The following SYT1 variants were observed in gnomAD, a reference collection of about 807,000 sequenced individuals.
SYT1 encodes synaptotagmin-1.
In SYT1, 8 loss-of-function variants were observed where a neutral mutation model predicts 44.8. The ratio of observed to expected loss-of-function variants is 0.18; its 90% CI spans 0.10 to 0.32. The LOEUF (loss-of-function observed/expected upper bound fraction) is 0.32. Ranked by LOEUF, SYT1 falls within the 10% of genes least tolerant of loss-of-function variation. The pLI is 1.00. For synonymous variants in SYT1, 154 were observed against 188.8 expected (o/e 0.82, Z 1.51); for missense variants, 286 against 509.3 (o/e 0.56, Z 4.22).
intron 3 of SYT1, among the ~76,000 whole-genome samples, chr12:79,076,672 G>A (rs1876675525): frequency 6.6e-6 from 1 of 152,138 alleles, no homozygotes; most frequent in African/African-American, 2.4e-5. Flanking sequence ...AGGGTGCGGT[G>A]GCTCACACCT....
rs147956401 is a variant in SYT1, at chr12:79,017,125, T to A, written c.-83-30172T>A. Reference sequence around the variant, plus strand: ...CCAAAGGTGGCTTTAAAAAACAACCTCAAGTCAGCTACCTGAGAACTGGGA... The same window carrying A: ...CCAAAGGTGGCTTTAAAAAACAACCACAAGTCAGCTACCTGAGAACTGGGA... On this transcript the variant is annotated intron_variant, in intron 2 of 10. Transcript: ENST00000261205. 4.5e-3 allele frequency among the ~76,000 whole-genome samples: 687 copies of A among 152,220 alleles called. 5 individuals carry two copies. The highest frequency in any genetic ancestry group is 0.015 in the African/African-American group (638 of 41,546).
chr12:79,317,982 A>G (rs1326476296), intron 8 of SYT1, among the ~76,000 whole-genome samples: 1 of 152,166 alleles, frequency 6.6e-6, no homozygotes, highest in Non-Finnish European at 1.5e-5. Context: ...TTACTGATAT[A>G]AGATACTGAG....
intron 4 of SYT1, among the ~76,000 whole-genome samples, chr12:79,234,712 C>CTTTTTTTTTTTTTTT (rs869074290): frequency 3.5e-5 from 1 of 28,792 alleles, no homozygotes; most frequent in African/African-American, 1.1e-4. Context: ...TTCTTTCTTT[C>CTTTTTTTTTTTTTTT]TTTTTTTTTT....
rs571703475 is a variant in SYT1, at chr12:78,973,893, C to G, written c.-216-3906C>G. On this transcript the variant is annotated intron_variant, in intron 1 of 10. Transcript: ENST00000261205. Reference sequence around the variant, plus strand: ...TTGTAGATTTTCAAAGCAACTATAGCAGCAAGAGGAAGAGACGAACACCAA... The same window carrying G: ...TTGTAGATTTTCAAAGCAACTATAGGAGCAAGAGGAAGAGACGAACACCAA... Among the ~76,000 whole-genome samples, 10 of 107,200 alleles carry G rather than the reference C, an allele frequency of 9.3e-5. No homozygotes were observed. The East Asian group carries it at 2.8e-3, about 30-fold the overall frequency. 70.3% of individuals were successfully genotyped at this position (107,200 alleles called of 152,430 possible). A position where few individuals can be genotyped will look rare whatever the true frequency, so the allele number is the denominator to read the frequency against.
At chr12:79,392,068 G>A (rs1382063873) in intron 9 of SYT1, among the ~76,000 whole-genome samples, 1 of 152,166 alleles carries the variant, frequency 6.6e-6, no homozygotes, top group Non-Finnish European at 1.5e-5. Flanking sequence ...GGTACCACTA[G>A]ACACCTATTA....
At chr12:79,332,862 G>A (rs1260339799) in intron 8 of SYT1, among the ~76,000 whole-genome samples, 1 of 151,992 alleles carries the variant, frequency 6.6e-6, no homozygotes, top group Non-Finnish European at 1.5e-5. Context: ...CCCCAAAATG[G>A]AATTAAATGG....
chr12:79,237,611 G>A (rs1358983172), intron 4 of SYT1, among the ~76,000 whole-genome samples: 2 of 152,026 alleles, frequency 1.3e-5, no homozygotes, highest in African/African-American at 4.8e-5. Flanking sequence ...ACAATAGGGA[G>A]GCTCTGAGCC....
intron 1 of SYT1, among the ~76,000 whole-genome samples, chr12:78,973,805 T>C (rs955982724): frequency 6.7e-6 from 1 of 149,588 alleles, no homozygotes; most frequent in Non-Finnish European, 1.5e-5. Flanking sequence ...CACTGTTATA[T>C]GCCAAGTGAT....
intron 9 of SYT1, among the ~76,000 whole-genome samples, chr12:79,389,178 C>A (rs143883997): frequency 6.7e-4 from 102 of 152,298 alleles, no homozygotes; most frequent in African/African-American, 2.4e-3. Flanking sequence ...AATATCAGTT[C>A]TCTGCATCAA....
At chr12:79,144,885 A>T (rs771299412) in intron 3 of SYT1, among the ~76,000 whole-genome samples, 7 of 152,210 alleles carry the variant, frequency 4.6e-5, no homozygotes, top group Non-Finnish European at 8.8e-5. Flanking sequence ...ATTTTGTGTC[A>T]TGTTAGTGTT....
chr12:78,975,328 C>G lies in SYT1; in HGVS notation c.-216-2471C>G, dbSNP rs187106078. 3.8e-3 allele frequency among the ~76,000 whole-genome samples: 572 copies of G among 152,266 alleles called. 2 individuals are homozygous for G. Among genetic ancestry groups the G allele is most frequent in the African/African-American group, 0.013 (534 of 41,552 alleles). ...TCCTCAGATTGCAAGTTCTGCAGGA[C>G]GAGTTCAGAGAAGGGGTGGAGGCAG... On this transcript the variant is annotated intron_variant, in intron 1 of 10. Transcript: ENST00000261205.
At chr12:79,064,980 GAAAGAAAGAA>G (rs1030865866) in intron 3 of SYT1, among the ~76,000 whole-genome samples, 3 of 141,240 alleles carry the variant, frequency 2.1e-5, no homozygotes, top group Admixed American at 1.4e-4. Context: ...AAGAAAGAAA[GAAAGAAAGAA>G]AGAAAGAAAA....
At chr12:79,438,027 G>C (rs1439326461) in intron 9 of SYT1, among the ~76,000 whole-genome samples, 2 of 152,102 alleles carry the variant, frequency 1.3e-5, no homozygotes, top group Non-Finnish European at 2.9e-5. Flanking sequence ...GGAAACGCCA[G>C]CAAAGGTGGG....
chr12:79,279,346 T>G (rs555552490), intron 4 of SYT1, among the ~76,000 whole-genome samples: 1 of 152,114 alleles, frequency 6.6e-6, no homozygotes, highest in East Asian at 1.9e-4. Context: ...GATAAATATA[T>G]GCAAGTCAAT....
chr12:78,976,402 A>T (rs903477269), intron 1 of SYT1, among the ~76,000 whole-genome samples: 11 of 152,210 alleles, frequency 7.2e-5, no homozygotes, highest in African/African-American at 2.7e-4. Flanking sequence ...TCTTGTGAAG[A>T]ATCTGTTCCT....
intron 8 of SYT1, among the ~76,000 whole-genome samples, chr12:79,312,449 A>T (rs1388867410): frequency 1.3e-5 from 2 of 152,168 alleles, no homozygotes; most frequent in African/African-American, 4.8e-5. Context: ...AACTGTTTTC[A>T]TCTTTTTCTT....
At chr12:79,329,669 G>T (rs1881769667) in intron 8 of SYT1, among the ~76,000 whole-genome samples, 1 of 152,114 alleles carries the variant, frequency 6.6e-6, no homozygotes, top group South Asian at 2.1e-4. Context: ...TTAGAGAAAT[G>T]AAACAATCTG....
intron 2 of SYT1, among the ~76,000 whole-genome samples, chr12:79,035,065 A>G (rs1267261236): frequency 6.6e-6 from 1 of 151,624 alleles, no homozygotes; most frequent in African/African-American, 2.4e-5. Flanking sequence ...CACCATTGTC[A>G]TCACAGGGTA....
chr12:79,104,618 C>G (rs556748039), intron 3 of SYT1, among the ~76,000 whole-genome samples: 1 of 152,008 alleles, frequency 6.6e-6, no homozygotes, highest in African/African-American at 2.4e-5. Context: ...ATACTATGAA[C>G]TTGTCCAAGG....
Sources: allele counts gnomAD v4.1 joint callset (sites outside exome capture counted in the v4.1 genomes callset), GRCh38; gene constraint gnomAD v4.1.1; transcripts MANE v1.5; gene names NCBI Gene and HGNC (gene_info 2026-07-23, HGNC 2026-07-21).